Variants in ADAMTS16 observed in about 807,000 individuals in gnomAD.
ADAMTS16 encodes A disintegrin and metalloproteinase with thrombospondin motifs 16.
ADAMTS16 carries 94 observed loss-of-function variants against 145.8 expected under a neutral mutation model. The observed-to-expected ratio is 0.64, with a 90% CI of 0.55 to 0.77. ADAMTS16 has a LOEUF of 0.77. Ranked by LOEUF, ADAMTS16 falls within the 30% of genes least tolerant of loss-of-function variation. The pLI is 0.00. For synonymous variants in ADAMTS16, 659 were observed against 604.3 expected, an observed-to-expected ratio of 1.09 and a Z score of -1.33; for missense variants, 1,585 against 1,591.5, an observed-to-expected ratio of 1.00 and a Z score of 0.07.
At chr5:5,243,254 G>A (rs1352270701) in intron 17 of ADAMTS16, among the ~76,000 whole-genome samples, 1 of 152,166 alleles carries the variant, frequency 6.6e-6, no homozygotes, top group African/African-American at 2.4e-5. Context: ...TATGGATGCT[G>A]GTAAAGCTAA....
intron 21 of ADAMTS16, among the ~76,000 whole-genome samples, chr5:5,309,217 C>T (rs1579413372): frequency 1.3e-5 from 2 of 152,348 alleles, no homozygotes; most frequent in South Asian, 4.1e-4. Flanking sequence ...CACACATCCT[C>T]CAGGTGGCTG....
intron 3 of ADAMTS16, among the ~76,000 whole-genome samples, chr5:5,162,545 A>C (rs1734768379): frequency 6.6e-6 from 1 of 152,166 alleles, no homozygotes; most frequent in Admixed American, 6.5e-5. Context: ...TAGATGTACA[A>C]AGTCTGTGCT....
intron 3 of ADAMTS16, among the ~76,000 whole-genome samples, chr5:5,167,953 T>C (rs1296583006): frequency 1.3e-5 from 2 of 152,266 alleles, no homozygotes; most frequent in Non-Finnish European, 2.9e-5. Context: ...TTAATTAATT[T>C]AAATTTAAAT....
At chr5:5,217,772 A>T (rs911985966) in intron 10 of ADAMTS16, among the ~76,000 whole-genome samples, 1 of 152,244 alleles carries the variant, frequency 6.6e-6, no homozygotes, top group Admixed American at 6.5e-5. Flanking sequence ...AGCTACAAAG[A>T]TAAAGCAAGA....
At chr5:5,162,183 T>C (rs1207305668) in intron 3 of ADAMTS16, among the ~76,000 whole-genome samples, 1 of 152,208 alleles carries the variant, frequency 6.6e-6, no homozygotes, top group African/African-American at 2.4e-5. Context: ...GGGAAAATAA[T>C]TGATATTGAA....
At chr5:5,196,814 A>G (rs1246534479) in intron 8 of ADAMTS16, among the ~76,000 whole-genome samples, 2 of 152,178 alleles carry the variant, frequency 1.3e-5, no homozygotes, top group Non-Finnish European at 2.9e-5. Flanking sequence ...AGGTTTTACT[A>G]TCCCATTTTA....
intron 3 of ADAMTS16, among the ~76,000 whole-genome samples, chr5:5,169,308 G>A (rs1734982685): frequency 6.6e-6 from 1 of 152,202 alleles, no homozygotes; most frequent in Admixed American, 6.5e-5. Context: ...ATGCTTAGCT[G>A]CTACGAATTC....
intron 10 of ADAMTS16, among the ~76,000 whole-genome samples, chr5:5,219,975 T>A (rs2126341052): frequency 6.6e-6 from 1 of 152,276 alleles, no homozygotes; most frequent in Non-Finnish European, 1.5e-5. Context: ...TTTGGCTTTT[T>A]ATGATCACGA....
intron 5 of ADAMTS16, among the ~76,000 whole-genome samples, chr5:5,187,394 A>G (rs1279917836): frequency 6.6e-6 from 1 of 152,042 alleles, no homozygotes; most frequent in African/African-American, 2.4e-5. Flanking sequence ...GCACTTATGG[A>G]ATTCCTTGCC....
intron 17 of ADAMTS16, among the ~76,000 whole-genome samples, chr5:5,253,965 A>C (rs1302184115): frequency 6.6e-6 from 1 of 152,168 alleles, no homozygotes; most frequent in Non-Finnish European, 1.5e-5. Flanking sequence ...CCCAGGAAAG[A>C]GCTTGTGTCT....
chr5:5,303,310 CG>C lies in ADAMTS16; in HGVS notation c.2837del (p.Gly946ValfsTer120). On this transcript the variant is annotated frameshift_variant, in exon 19 of 23. Transcript: ENST00000274181. LOFTEE classifies it high-confidence loss of function. Reference sequence around the variant, plus strand: ...GGAGTGCCTGCAGTCGGACGTGTGGCGGGGGTGCCCAGAGCCGCCCCGTGCA... The same window carrying C: ...GGAGTGCCTGCAGTCGGACGTGTGGCGGGGTGCCCAGAGCCGCCCCGTGCA... ...NWSACSRTCG[G>X]GAQSRPVQCT... 1 of 1,595,028 alleles carries C rather than the reference CG, an allele frequency of 6.3e-7. No homozygotes were observed. The highest frequency in any genetic ancestry group is 8.6e-7 in the Non-Finnish European group (1 of 1,169,122).
chr5:5,184,291 C>A (rs543184553), intron 4 of ADAMTS16, among the ~76,000 whole-genome samples: 2 of 150,880 alleles, frequency 1.3e-5, no homozygotes, highest in South Asian at 2.1e-4. Context: ...ATGCACTGCA[C>A]CCCCAGGGCC....
intron 16 of ADAMTS16, among the ~76,000 whole-genome samples, chr5:5,240,324 C>T (rs1186169426): frequency 6.6e-6 from 1 of 152,126 alleles, no homozygotes; most frequent in Non-Finnish European, 1.5e-5. Context: ...AGGTGAAGCC[C>T]CTTGCTGTGT....
Position 5,318,234 on chromosome 5 carries a change from C to T in ADAMTS16, c.3512C>T (p.Ala1171Val). Residue 1171 changes from alanine to valine, a missense_variant, in exon 22 of 23, where the codon GCC becomes GTC. By Grantham distance (64) the Ala-to-Val change is moderately conservative. This residue lies in a region of ADAMTS16 where 834 missense variants were observed against 811.7 expected (regional missense o/e 1.03). Coordinates refer to ENST00000274181, the MANE Select transcript of ADAMTS16 (RefSeq NM_139056.4). ...TGCCTCCTGCACCAGAAGCCTTCGG[C>T]CTCCCTGGCCTGCAACACTCACTTC... ...SGCLLHQKPSASLACNTHFCP... is the reference protein window; with the variant it reads ...SGCLLHQKPSVSLACNTHFCP... The T allele has an allele frequency of 6.4e-7, 1 of 1,563,802 alleles. No individual in the cohort carries two copies. Among genetic ancestry groups the T allele is most frequent in the Non-Finnish European group, 8.7e-7 (1 of 1,149,886 alleles).
chr5:5,309,620 A>G (rs1740334400), intron 21 of ADAMTS16, among the ~76,000 whole-genome samples: 1 of 152,078 alleles, frequency 6.6e-6, no homozygotes, highest in African/African-American at 2.4e-5. Flanking sequence ...TTTTTCTTTC[A>G]TTGTGCGTGG....
intron 3 of ADAMTS16, among the ~76,000 whole-genome samples, chr5:5,151,640 AGCCAAG>A (rs1734461316): frequency 6.6e-6 from 1 of 151,646 alleles, no homozygotes; most frequent in Non-Finnish European, 1.5e-5. Flanking sequence ...AGATTACTAC[AGCCAAG>A]CAAATTTATC....
At chr5:5,143,473 A>G (rs1398023194) in intron 2 of ADAMTS16, among the ~76,000 whole-genome samples, 1 of 152,206 alleles carries the variant, frequency 6.6e-6, no homozygotes, top group African/African-American at 2.4e-5. Flanking sequence ...AAAAAGTCAG[A>G]AAACAACAGA....
intron 2 of ADAMTS16, 89 bp from the exon 3 acceptor site, chr5:5,146,039 CAT>C: frequency 1.8e-6 from 2 of 1,125,518 alleles, no homozygotes; most frequent in Non-Finnish European, 2.5e-6. Context: ...GTGGAAAGGT[CAT>C]GTGGTAAAAT....
At chr5:5,229,596 G>A (rs1418484455) in intron 11 of ADAMTS16, among the ~76,000 whole-genome samples, 1 of 152,062 alleles carries the variant, frequency 6.6e-6, no homozygotes, top group Non-Finnish European at 1.5e-5. Context: ...GATGAGCCTC[G>A]GATACCTTGC....
Sources: gnomAD v4.1 joint callset for allele counts (sites outside exome capture counted in the v4.1 genomes callset) on GRCh38, gnomAD v4.1.1 for gene constraint, gnomAD v4.1.1 regional missense constraint, MANE v1.5 for transcripts, NCBI Gene and HGNC (gene_info 2026-07-23, HGNC 2026-07-21) for gene names.